RANBP9: variants seen among roughly 807,000 people sequenced by gnomAD.
RANBP9 encodes RAN binding protein 9, also known as ran-binding protein 9.
In RANBP9, 15 loss-of-function variants were observed where a neutral mutation model predicts 84.3. That is an observed-to-expected ratio of 0.18 (90% CI 0.12 to 0.27). RANBP9 has a LOEUF of 0.27. RANBP9 is among the 10% of genes least tolerant of loss of function. The pLI is 1.00. For missense variants in RANBP9, 809 were observed against 912.8 expected (o/e 0.89, Z 1.46); for synonymous variants, 392 against 349.6 (o/e 1.12, Z -1.35).
chr6:13,657,407 A>T (rs1765424975), intron 3 of RANBP9, 131 bp from the exon 4 acceptor site: 1 of 610,394 alleles, frequency 1.6e-6, no homozygotes, highest in African/African-American at 1.9e-5. Flanking sequence ...GTACATTTAA[A>T]TTCTCAACAA....
intron 12 of RANBP9, among the ~76,000 whole-genome samples, chr6:13,630,173 A>G (rs182977592): frequency 2.1e-4 from 32 of 152,242 alleles, no homozygotes; most frequent in Admixed American, 5.9e-4. Flanking sequence ...CTAGATCAAG[A>G]TAAGTTTGGG....
At chr6:13,699,903 T>C (rs954122785) in intron 1 of RANBP9, among the ~76,000 whole-genome samples, 3 of 152,274 alleles carry the variant, frequency 2.0e-5, no homozygotes, top group Middle Eastern at 3.4e-3. Flanking sequence ...TCTGAAAGCA[T>C]TTTGAATTTC....
chr6:13,658,018 T>A (rs1765443748), intron 3 of RANBP9, among the ~76,000 whole-genome samples: 1 of 152,098 alleles, frequency 6.6e-6, no homozygotes, highest in African/African-American at 2.4e-5. Context: ...GCAAAGAGAG[T>A]ATTAGAAGAC....
intron 1 of RANBP9, among the ~76,000 whole-genome samples, chr6:13,706,246 A>G (rs891423195): frequency 2.2e-4 from 33 of 152,176 alleles, no homozygotes; most frequent in Non-Finnish European, 3.8e-4. Flanking sequence ...TGGAAGGCTG[A>G]GGCAGGAAAA....
intron 4 of RANBP9, among the ~76,000 whole-genome samples, chr6:13,655,315 T>C (rs772139298): frequency 6.6e-5 from 10 of 152,014 alleles, no homozygotes; most frequent in Non-Finnish European, 1.3e-4. Flanking sequence ...CTACTAAAAA[T>C]ACAAAAATTA....
At chr6:13,640,267 A>C (rs1246613116) in intron 8 of RANBP9, among the ~76,000 whole-genome samples, 1 of 152,214 alleles carries the variant, frequency 6.6e-6, no homozygotes, top group Non-Finnish European at 1.5e-5. Flanking sequence ...AACAAGTTGA[A>C]ATCTGAAGCT....
At chr6:13,710,351 T>C (rs1164975572) in intron 1 of RANBP9, among the ~76,000 whole-genome samples, 1 of 152,108 alleles carries the variant, frequency 6.6e-6, no homozygotes, top group African/African-American at 2.4e-5. Flanking sequence ...GGGGTTCCCT[T>C]CTCTTACCCT....
chr6:13,622,630 T>C, intron 13 of RANBP9, 138 bp from the exon 14 acceptor site: 2 of 953,942 alleles, frequency 2.1e-6, no homozygotes, highest in Non-Finnish European at 2.9e-6. Flanking sequence ...TGAAGGTTTC[T>C]AAGCAAAAGA....
chr6:13,681,170 AT>A (rs1406692826), intron 2 of RANBP9, among the ~76,000 whole-genome samples: 1 of 152,206 alleles, frequency 6.6e-6, no homozygotes, highest in Non-Finnish European at 1.5e-5. Context: ...CAAAATAGCC[AT>A]TTTCAAAAGG....
At chr6:13,634,898 A>C (rs1764898170) in intron 10 of RANBP9, among the ~76,000 whole-genome samples, 1 of 151,910 alleles carries the variant, frequency 6.6e-6, no homozygotes, top group Non-Finnish European at 1.5e-5. Flanking sequence ...CTGCCCCACC[A>C]ACTCCCCAGC....
intron 1 of RANBP9, among the ~76,000 whole-genome samples, chr6:13,701,657 C>A (rs1416414077): frequency 6.6e-6 from 1 of 151,892 alleles, no homozygotes; most frequent in Non-Finnish European, 1.5e-5. Context: ...GTATTCCCAG[C>A]TACTTGGGAG....
At chr6:13,681,901 C>G (rs1393523508) in intron 2 of RANBP9, among the ~76,000 whole-genome samples, 2 of 152,030 alleles carry the variant, frequency 1.3e-5, no homozygotes, top group Non-Finnish European at 2.9e-5. Flanking sequence ...TGCTGTCACC[C>G]AGGCCAGAGT....
At chr6:13,686,338 T>G (rs1227595779) in intron 2 of RANBP9, among the ~76,000 whole-genome samples, 1 of 151,958 alleles carries the variant, frequency 6.6e-6, no homozygotes. Context: ...CAAGCTGGAG[T>G]GCAGCGGCGC....
intron 2 of RANBP9, among the ~76,000 whole-genome samples, chr6:13,679,288 C>T (rs1765974671): frequency 6.6e-6 from 1 of 152,174 alleles, no homozygotes; most frequent in African/African-American, 2.4e-5. Context: ...TATAAATATA[C>T]AATACCTAAA....
At chr6:13,690,569 T>C (rs1766299521) in intron 2 of RANBP9, among the ~76,000 whole-genome samples, 2 of 152,370 alleles carry the variant, frequency 1.3e-5, no homozygotes, top group Non-Finnish European at 2.9e-5. Flanking sequence ...ACTGAATTAC[T>C]TGCCAGTTCT....
intron 5 of RANBP9, among the ~76,000 whole-genome samples, chr6:13,650,613 C>T (rs532094236): frequency 6.6e-6 from 1 of 152,198 alleles, no homozygotes; most frequent in Non-Finnish European, 1.5e-5. Flanking sequence ...TTTTCATTTT[C>T]GTGATATTGG....
chr6:13,692,111 T>C (rs541763462), intron 2 of RANBP9, among the ~76,000 whole-genome samples: 21 of 152,340 alleles, frequency 1.4e-4, no homozygotes, highest in Middle Eastern at 3.4e-3. Context: ...AAACATTAGT[T>C]GGCCAAAATT....
chr6:13,644,459 A>G (rs1765134802), intron 6 of RANBP9, 86 bp downstream of exon 6: 3 of 1,379,776 alleles, frequency 2.2e-6, no homozygotes, highest in Non-Finnish European at 3.0e-6. Flanking sequence ...TTAGTGGATT[A>G]AAAAGCTTCT....
At chr6:13,649,641 A>G (rs1765250474) in intron 5 of RANBP9, among the ~76,000 whole-genome samples, 1 of 151,832 alleles carries the variant, frequency 6.6e-6, no homozygotes, top group Non-Finnish European at 1.5e-5. Flanking sequence ...TCAATTACAC[A>G]TCTGTCTACC....
Sources: allele counts gnomAD v4.1 joint callset (sites outside exome capture counted in the v4.1 genomes callset), GRCh38; gene constraint gnomAD v4.1.1; transcripts MANE v1.5; gene names NCBI Gene and HGNC (gene_info 2026-07-23, HGNC 2026-07-21).